The following ZNF385D variants were observed in gnomAD, a reference collection of about 807,000 sequenced individuals.
The protein encoded by ZNF385D is zinc finger protein 385D.
ZNF385D carries 15 observed loss-of-function variants against 35.8 expected under a neutral mutation model. The ratio of observed to expected loss-of-function variants is 0.42; its 90% confidence interval spans 0.28 to 0.64. The LOEUF (loss-of-function observed/expected upper bound fraction) is 0.64, where lower values mean the gene tolerates loss of function less well. Among genes scored for constraint, ZNF385D ranks in the 30% least tolerant of loss-of-function variants. The pLI, the probability that ZNF385D is intolerant of heterozygous loss-of-function variation, is 0.23. For missense variants in ZNF385D, 474 were observed against 494.6 expected, an observed-to-expected ratio of 0.96 and a Z score of 0.39; for synonymous variants, 212 against 186.8, an observed-to-expected ratio of 1.13 and a Z score of -1.10.
intron 1 of ZNF385D, among the ~76,000 whole-genome samples, chr3:21,709,175 T>C (rs1227824396): frequency 6.6e-6 from 1 of 152,184 alleles, no homozygotes; most frequent in African/African-American, 2.4e-5. Context: ...TACCATAATG[T>C]TTATTTCCAT....
chr3:22,372,590 G>C, exon 2 of ZNF385D: 1 of 944,666 alleles, frequency 1.1e-6, no homozygotes, highest in East Asian at 1.2e-4. Context: ...GGCTGTCCCG[G>C]GAGACGCACG....
chr3:21,852,466 T>C (rs60394145), intron 3 of ZNF385D, among the ~76,000 whole-genome samples: 165 of 152,068 alleles, frequency 1.1e-3, no homozygotes, highest in African/African-American at 3.7e-3. Context: ...TGTGGCTTTA[T>C]TGATTTTACA....
chr3:21,808,214 T>A (rs1248159722), intron 3 of ZNF385D, among the ~76,000 whole-genome samples: 3 of 152,160 alleles, frequency 2.0e-5, no homozygotes, highest in Non-Finnish European at 2.9e-5. Context: ...ATTTTAAAAA[T>A]CAAATTTAAA....
At chr3:21,988,208 G>A (rs1371776160) in intron 3 of ZNF385D, among the ~76,000 whole-genome samples, 1 of 128,804 alleles carries the variant, frequency 7.8e-6, no homozygotes, top group Admixed American at 7.3e-5. Context: ...TCCGTTGCTG[G>A]TGAGGAACTG....
chr3:21,934,943 T>C (rs1188391718), intron 3 of ZNF385D, among the ~76,000 whole-genome samples: 1 of 152,236 alleles, frequency 6.6e-6, no homozygotes, highest in Non-Finnish European at 1.5e-5. Flanking sequence ...ATTAGCTATG[T>C]CTTAGTTGAT....
intron 2 of ZNF385D, among the ~76,000 whole-genome samples, chr3:22,310,820 A>G (rs1703497990): frequency 6.6e-6 from 1 of 151,882 alleles, no homozygotes; most frequent in Non-Finnish European, 1.5e-5. Flanking sequence ...CTATTAAAAT[A>G]TAATTTTATC....
intron 3 of ZNF385D, among the ~76,000 whole-genome samples, chr3:21,536,322 A>G (rs79215335): frequency 1.3e-3 from 199 of 152,190 alleles, no homozygotes; most frequent in African/African-American, 3.9e-3. Flanking sequence ...GATGTCAGAA[A>G]ATGGAGTAAG....
intron 3 of ZNF385D, among the ~76,000 whole-genome samples, chr3:22,035,511 A>C (rs1003522273): frequency 1.3e-5 from 2 of 152,190 alleles, no homozygotes; most frequent in African/African-American, 4.8e-5. Flanking sequence ...TTTTAAAATT[A>C]GTTTTAAAAT....
intron 1 of ZNF385D, among the ~76,000 whole-genome samples, chr3:21,694,528 G>A (rs1425825661): frequency 2.0e-5 from 3 of 152,132 alleles, no homozygotes; most frequent in African/African-American, 4.8e-5. Flanking sequence ...CCAGATCTGG[G>A]TACTCAGGGA....
chr3:21,894,337 C>T (rs192334991), intron 3 of ZNF385D, among the ~76,000 whole-genome samples: 3 of 151,914 alleles, frequency 2.0e-5, no homozygotes, highest in African/African-American at 4.8e-5. Flanking sequence ...TTGGAGAGCA[C>T]GATTTGTTAA....
intron 3 of ZNF385D, among the ~76,000 whole-genome samples, chr3:22,156,504 C>T (rs1196704612): frequency 6.6e-6 from 1 of 152,062 alleles, no homozygotes; most frequent in East Asian, 1.9e-4. Flanking sequence ...GCTTTCATGA[C>T]TGGTAGATCG....
intron 2 of ZNF385D, among the ~76,000 whole-genome samples, chr3:22,324,106 G>A (rs1694567558): frequency 6.6e-6 from 1 of 152,038 alleles, no homozygotes; most frequent in Admixed American, 6.5e-5. Flanking sequence ...TAACTTGGCG[G>A]GGAAAGGAAT....
chr3:21,849,851 T>G (rs1023219895), intron 3 of ZNF385D: 12 of 152,044 alleles, frequency 7.9e-5, no homozygotes, highest in African/African-American at 2.2e-4. Context: ...CCTCAAGCAA[T>G]TCTCCTGCCT....
At chr3:21,997,607 AAG>A (rs1313883999) in intron 3 of ZNF385D, among the ~76,000 whole-genome samples, 10 of 151,746 alleles carry the variant, frequency 6.6e-5, no homozygotes, top group African/African-American at 2.4e-4. Context: ...AATGGAGGAA[AAG>A]AGAGAGAGAG....
intron 3 of ZNF385D, among the ~76,000 whole-genome samples, chr3:22,097,569 G>A (rs771394280): frequency 6.6e-6 from 1 of 152,068 alleles, no homozygotes; most frequent in Non-Finnish European, 1.5e-5. Flanking sequence ...AACATTGAAA[G>A]AGCAAAATGA....
intron 3 of ZNF385D, among the ~76,000 whole-genome samples, chr3:21,827,941 A>G (rs527256732): frequency 6.6e-6 from 1 of 152,170 alleles, no homozygotes; most frequent in South Asian, 2.1e-4. Context: ...TTAATCTTCA[A>G]CTAGGAATCT....
In ZNF385D at chr3:21,539,486, T is replaced by C. The variant is rs1254716070; in HGVS notation, c.276+25088A>G. ...TAATTTTTGTAATTAGGCCTTTTAA[T>C]AGAAGGACATGACTTCTAATTAAAT... On this transcript the variant is annotated intron_variant, in intron 3 of 7. Coordinates refer to ENST00000281523, the MANE Select transcript of ZNF385D (RefSeq NM_024697.3). The surrounding 1 kb of genome is among the most constrained non-coding windows in gnomAD (Gnocchi z 4.0). Among the ~76,000 whole-genome samples, 6 of 152,216 alleles carry C rather than the reference T, an allele frequency of 3.9e-5. No homozygotes were observed. Among genetic ancestry groups the C allele is most frequent in the South Asian group, 2.1e-4 (1 of 4,830 alleles).
chr3:21,918,646 T>TTTAAGAAACAACAA (rs1176857875), intron 3 of ZNF385D, among the ~76,000 whole-genome samples: 1 of 152,204 alleles, frequency 6.6e-6, no homozygotes, highest in African/African-American at 2.4e-5. Context: ...TGGTCTGTGG[T>TTTAAGAAACAACAA]TTAAGAAACA....
At chr3:21,701,753 G>A (rs550819789) in intron 1 of ZNF385D, among the ~76,000 whole-genome samples, 72 of 152,280 alleles carry the variant, frequency 4.7e-4, no homozygotes, top group Admixed American at 1.8e-3. Flanking sequence ...CCAAATGGGA[G>A]AAACTGGCCA....
Sources: gnomAD v4.1 joint callset for allele counts (sites outside exome capture counted in the v4.1 genomes callset) on GRCh38, gnomAD v4.1.1 for gene constraint, Gnocchi (gnomAD v3.1) non-coding constraint, MANE v1.5 for transcripts, NCBI Gene and HGNC (gene_info 2026-07-23, HGNC 2026-07-21) for gene names.